CDC42BPA: variants seen among roughly 807,000 people sequenced by gnomAD.
CDC42BPA encodes CDC42 binding protein kinase alpha.
CDC42BPA carries 80 observed loss-of-function variants against 223.5 expected under a neutral mutation model. The ratio of observed to expected loss-of-function variants is 0.36; its 90% CI spans 0.30 to 0.43. The LOEUF (loss-of-function observed/expected upper bound fraction) is 0.43, where lower values mean the gene tolerates loss of function less well. Among genes scored for constraint, CDC42BPA ranks in the 20% least tolerant of loss-of-function variants. CDC42BPA has a pLI of 1.00. For missense variants in CDC42BPA, 1,743 were observed against 2,099.9 expected (o/e 0.83, Z 3.32); for synonymous variants, 694 against 718.6 (o/e 0.97, Z 0.55).
chr1:227,225,012 T>C (rs1490579025), intron 2 of CDC42BPA, among the ~76,000 whole-genome samples: 1 of 152,176 alleles, frequency 6.6e-6, no homozygotes, highest in African/African-American at 2.4e-5. Flanking sequence ...GAGCACACAT[T>C]CTAGCTTAAC....
At chr1:227,057,458 A>G (rs570733299) in intron 21 of CDC42BPA, among the ~76,000 whole-genome samples, 1 of 152,310 alleles carries the variant, frequency 6.6e-6, no homozygotes, top group South Asian at 2.1e-4. Context: ...AACAGAGGCC[A>G]TTGTTAAGAA....
At chr1:227,300,320 T>C (rs1691399807) in intron 1 of CDC42BPA, among the ~76,000 whole-genome samples, 1 of 152,208 alleles carries the variant, frequency 6.6e-6, no homozygotes, top group Non-Finnish European at 1.5e-5. Flanking sequence ...GCTGGGTATC[T>C]ACTCAAAGGA....
chr1:227,113,240 G>GT (rs754000310), intron 12 of CDC42BPA, among the ~76,000 whole-genome samples: 4 of 152,226 alleles, frequency 2.6e-5, no homozygotes, highest in Admixed American at 6.5e-5. Flanking sequence ...GTGTGAGGTT[G>GT]TTTTCATAAA....
intron 5 of CDC42BPA, among the ~76,000 whole-genome samples, chr1:227,165,363 A>C (rs1056978228): frequency 5.3e-5 from 8 of 152,230 alleles, no homozygotes; most frequent in Non-Finnish European, 1.0e-4. Context: ...GTTGGGAGAA[A>C]GGAACTAAAT....
At position 226,994,267 on chromosome 1, in the gene CDC42BPA, C is replaced by G. The variant is rs1322888318; in HGVS notation, c.*1G>C. The G allele has an allele frequency of 6.4e-7, 1 of 1,574,798 alleles. No individual in the cohort carries two copies. The highest frequency in any genetic ancestry group is 1.2e-5 in the South Asian group (1 of 86,460). On this transcript the variant is annotated 3_prime_UTR_variant, in exon 37 of 37. Coordinates refer to ENST00000366766, the MANE Select transcript of CDC42BPA (RefSeq NM_001394014.1). The surrounding 1 kb of genome is among the most constrained non-coding windows in gnomAD (Gnocchi z 4.0). Reference sequence around the variant, plus strand: ...GCGAGAGGTCCCAGTGCTGAGGCAGCTCACGGGTCCCAGCTCCCGCGGTCA... The same window carrying G: ...GCGAGAGGTCCCAGTGCTGAGGCAGGTCACGGGTCCCAGCTCCCGCGGTCA...
rs769721476 is a variant in CDC42BPA at position 227,034,782 on chromosome 1, C to T, written c.3349G>A (p.Ala1117Thr). Residue 1117 changes from alanine to threonine, a missense_variant, in exon 26 of 37, where the codon GCT becomes ACT. Ala to Thr is a moderately conservative substitution (Grantham distance 58). Transcript: ENST00000366766. ...CTCTGCCACCCTTTCTTCACTCCAG[C>T]TGGCTTAGGAATCTTAGTTTTGTTT... ...YEGHVRIPKP[A>T]GVKKGWQRAL... 2 of 1,599,852 alleles carry T rather than the reference C, an allele frequency of 1.3e-6. No homozygotes were observed. The highest frequency in any genetic ancestry group is 2.2e-5 in the East Asian group (1 of 44,482).
intron 1 of CDC42BPA, among the ~76,000 whole-genome samples, chr1:227,280,712 A>G: frequency 6.6e-6 from 1 of 152,248 alleles, no homozygotes; most frequent in East Asian, 1.9e-4. Flanking sequence ...TTTAACAAAA[A>G]AAATCTGATC....
chr1:227,006,254 C>T (rs1287401381), intron 34 of CDC42BPA, among the ~76,000 whole-genome samples: 1 of 152,094 alleles, frequency 6.6e-6, no homozygotes, highest in Non-Finnish European at 1.5e-5. Context: ...ATTTTTCTTT[C>T]ATAGCTACAA....
chr1:227,112,469 T>G, intron 13 of CDC42BPA, 47 bp from the exon 14 acceptor site: 1 of 1,395,034 alleles, frequency 7.2e-7, no homozygotes. Context: ...ATAATTTTTT[T>G]CCAAACAAAA....
chr1:227,136,127 T>C (rs1345795167), intron 10 of CDC42BPA, among the ~76,000 whole-genome samples: 1 of 151,816 alleles, frequency 6.6e-6, no homozygotes, highest in African/African-American at 2.4e-5. Flanking sequence ...GACCTCAAAA[T>C]ATTAAAATGT....
chr1:227,218,482 C>T (rs1009894869), intron 2 of CDC42BPA, among the ~76,000 whole-genome samples: 2 of 152,120 alleles, frequency 1.3e-5, no homozygotes, highest in African/African-American at 4.8e-5. Context: ...ACATATATTA[C>T]CCCTCATTTA....
At chr1:227,108,646 T>C (rs981105250) in intron 14 of CDC42BPA, among the ~76,000 whole-genome samples, 2 of 152,156 alleles carry the variant, frequency 1.3e-5, no homozygotes, top group African/African-American at 2.4e-5. Context: ...AGGACCCTAC[T>C]TGAATACCTA....
chr1:227,015,688 G>GAAA (rs148877902), intron 34 of CDC42BPA, among the ~76,000 whole-genome samples: 31 of 150,758 alleles, frequency 2.1e-4, no homozygotes, highest in Middle Eastern at 3.4e-3. Context: ...CTGGGAAGAA[G>GAAA]GAAAAAAAAA....
intron 11 of CDC42BPA, among the ~76,000 whole-genome samples, chr1:227,124,125 T>C (rs543127644): frequency 6.6e-6 from 1 of 152,274 alleles, no homozygotes; most frequent in South Asian, 2.1e-4. Context: ...GCAATAAGCT[T>C]GGCACTAGGA....
At chr1:227,260,697 C>A (rs1683889152) in intron 1 of CDC42BPA, among the ~76,000 whole-genome samples, 1 of 151,148 alleles carries the variant, frequency 6.6e-6, no homozygotes, top group Admixed American at 6.6e-5. Context: ...GAAATTTTAA[C>A]CTTCCCTTCA....
intron 16 of CDC42BPA, among the ~76,000 whole-genome samples, chr1:227,091,007 TAGA>T (rs1682969890): frequency 6.6e-6 from 1 of 152,186 alleles, no homozygotes; most frequent in Non-Finnish European, 1.5e-5. Flanking sequence ...GTATGCAAGC[TAGA>T]AATCAGGCTG....
At chr1:227,223,715 G>C (rs1676342511) in intron 2 of CDC42BPA, among the ~76,000 whole-genome samples, 1 of 152,160 alleles carries the variant, frequency 6.6e-6, no homozygotes. Context: ...CACTACAGAT[G>C]ATGTCCAACT....
intron 21 of CDC42BPA, chr1:227,059,464 A>G: frequency 7.1e-7 from 1 of 1,401,856 alleles, no homozygotes; most frequent in Non-Finnish European, 9.9e-7. Context: ...CACACATAAG[A>G]CTCTCAAGGA....
intron 1 of CDC42BPA, among the ~76,000 whole-genome samples, chr1:227,270,611 TA>T (rs1685800836): frequency 6.6e-6 from 1 of 152,238 alleles, no homozygotes; most frequent in African/African-American, 2.4e-5. Flanking sequence ...CCATTTTAAC[TA>T]TTGTTAAGTG....
Sources: gnomAD v4.1 joint callset for allele counts (sites outside exome capture counted in the v4.1 genomes callset) on GRCh38, gnomAD v4.1.1 for gene constraint, Gnocchi (gnomAD v3.1) non-coding constraint, MANE v1.5 for transcripts, NCBI Gene and HGNC (gene_info 2026-07-23, HGNC 2026-07-21) for gene names.